EXOC6B: variants seen among roughly 807,000 people sequenced by gnomAD.
EXOC6B encodes the protein exocyst complex component 6B, also known as SEC15 homolog B.
A neutral mutation model predicts 113.5 loss-of-function variants in EXOC6B; 54 were observed. The observed-to-expected ratio is 0.48, with a 90% confidence interval of 0.38 to 0.60. The LOEUF is 0.60. Ranked by LOEUF, EXOC6B falls within the 20% of genes least tolerant of loss-of-function variation. EXOC6B has a pLI of 0.00. For missense variants in EXOC6B, 797 were observed against 977.5 expected (o/e 0.82, Z 2.46); for synonymous variants, 357 against 339.0 (o/e 1.05, Z -0.58).
chr2:72,427,893 C>T (rs970467172), intron 18 of EXOC6B, among the ~76,000 whole-genome samples: 2 of 152,172 alleles, frequency 1.3e-5, no homozygotes, highest in Non-Finnish European at 2.9e-5. Flanking sequence ...CTGAGGCCCA[C>T]AAAAGCTCTG....
At chr2:72,470,641 C>A (rs1375137295) in intron 17 of EXOC6B, among the ~76,000 whole-genome samples, 1 of 149,540 alleles carries the variant, frequency 6.7e-6, no homozygotes, top group East Asian at 2.0e-4. Flanking sequence ...CAACAGGCCC[C>A]GGTGTGTGAT....
rs144258337 is a variant in EXOC6B at position 72,416,531 on chromosome 2, T to C, written c.1981-36661A>G. Among the ~76,000 whole-genome samples, 763 of 152,324 alleles carry C rather than the reference T, an allele frequency of 5.0e-3. 11 individuals are homozygous for C. Among genetic ancestry groups the C allele is most frequent in the African/African-American group, 0.017 (708 of 41,566 alleles). On this transcript the variant is annotated intron_variant, in intron 18 of 21. Coordinates refer to ENST00000272427, the MANE Select transcript of EXOC6B (RefSeq NM_015189.3). Reference sequence around the variant, plus strand: ...GGGAAACACAGCAGCCACTTAACTATGTAAATTCTGAAATTTTGCTGGGCA... The same window carrying C: ...GGGAAACACAGCAGCCACTTAACTACGTAAATTCTGAAATTTTGCTGGGCA...
chr2:72,189,857 C>CTTTT (rs1678708947), intron 20 of EXOC6B, among the ~76,000 whole-genome samples: 1 of 76,264 alleles, frequency 1.3e-5, no homozygotes, highest in African/African-American at 1.1e-4. Flanking sequence ...TCTCCTTCTT[C>CTTTT]TTCTTTTTTT....
chr2:72,734,320 C>T (rs936927925), intron 2 of EXOC6B, among the ~76,000 whole-genome samples: 2 of 152,068 alleles, frequency 1.3e-5, no homozygotes, highest in Admixed American at 1.3e-4. Flanking sequence ...CAGCAAATTC[C>T]CTCTTTATTA....
chr2:72,293,732 C>T (rs1685952291), intron 20 of EXOC6B, among the ~76,000 whole-genome samples: 1 of 152,128 alleles, frequency 6.6e-6, no homozygotes, highest in African/African-American at 2.4e-5. Flanking sequence ...TAACTCCTTA[C>T]TTGGATATAA....
intron 6 of EXOC6B, among the ~76,000 whole-genome samples, chr2:72,589,714 G>A (rs1022156448): frequency 1.9e-4 from 29 of 151,424 alleles, no homozygotes; most frequent in African/African-American, 7.0e-4. Flanking sequence ...GTGCACAGTG[G>A]GTCACTAAAA....
At chr2:72,356,547 A>AC (rs1424010993) in intron 19 of EXOC6B, among the ~76,000 whole-genome samples, 1 of 152,204 alleles carries the variant, frequency 6.6e-6, no homozygotes, top group Non-Finnish European at 1.5e-5. Flanking sequence ...TGTATCTCAA[A>AC]CAAAAAAACA....
chr2:72,749,008 A>G (rs928679502), intron 1 of EXOC6B, among the ~76,000 whole-genome samples: 1 of 152,102 alleles, frequency 6.6e-6, no homozygotes, highest in African/African-American at 2.4e-5. Flanking sequence ...GTAACTGAAG[A>G]TATAAAGGCA....
chr2:72,564,939 A>G (rs1437631680), intron 7 of EXOC6B, among the ~76,000 whole-genome samples: 2 of 152,190 alleles, frequency 1.3e-5, no homozygotes, highest in African/African-American at 2.4e-5. Flanking sequence ...TAATTACTCA[A>G]GTGTTTGCAC....
intron 6 of EXOC6B, among the ~76,000 whole-genome samples, chr2:72,614,434 A>G (rs1382481465): frequency 6.6e-6 from 1 of 152,094 alleles, no homozygotes; most frequent in Non-Finnish European, 1.5e-5. Context: ...GAGCTCAAGA[A>G]ACACTAACTT....
chr2:72,308,198 C>T (rs1687003053), intron 20 of EXOC6B, among the ~76,000 whole-genome samples: 2 of 152,182 alleles, frequency 1.3e-5, no homozygotes, highest in Admixed American at 1.3e-4. Context: ...ATCCTAAACC[C>T]TCCAGGAAAT....
chr2:72,809,328 T>C (rs945908132), intron 1 of EXOC6B, among the ~76,000 whole-genome samples: 4 of 152,116 alleles, frequency 2.6e-5, no homozygotes, highest in African/African-American at 4.8e-5. Context: ...ATGCTGTTGA[T>C]AGGAAATTCA....
At chr2:72,455,912 T>C (rs1697202774) in intron 18 of EXOC6B, among the ~76,000 whole-genome samples, 2 of 152,028 alleles carry the variant, frequency 1.3e-5, no homozygotes, top group African/African-American at 2.4e-5. Context: ...ATAGTAGCTA[T>C]TGTTAAATGT....
chr2:72,804,368 C>T (rs371308098), intron 1 of EXOC6B, among the ~76,000 whole-genome samples: 92 of 152,186 alleles, frequency 6.0e-4, no homozygotes, highest in African/African-American at 2.1e-3. Flanking sequence ...CTTCCTAGAG[C>T]GCATAGGAAA....
At chr2:72,285,346 A>G (rs1163027495) in intron 20 of EXOC6B, among the ~76,000 whole-genome samples, 1 of 152,004 alleles carries the variant, frequency 6.6e-6, no homozygotes, top group Non-Finnish European at 1.5e-5. Flanking sequence ...ATATATAAAA[A>G]AGATAGACCT....
intron 20 of EXOC6B, among the ~76,000 whole-genome samples, chr2:72,274,597 T>C (rs780592785): frequency 3.9e-5 from 6 of 152,164 alleles, no homozygotes; most frequent in Non-Finnish European, 8.8e-5. Flanking sequence ...AGCAGGTTTA[T>C]ATGTGTGTCC....
chr2:72,229,696 C>G (rs1319161009), intron 20 of EXOC6B, among the ~76,000 whole-genome samples: 2 of 152,102 alleles, frequency 1.3e-5, no homozygotes, highest in African/African-American at 4.8e-5. Context: ...TATAGAGTCA[C>G]CTGCAAGAGC....
chr2:72,192,601 C>T (rs1036955483), intron 20 of EXOC6B, among the ~76,000 whole-genome samples: 1 of 152,132 alleles, frequency 6.6e-6, no homozygotes, highest in Non-Finnish European at 1.5e-5. Flanking sequence ...CTCCTCTTTC[C>T]AGAAAACCTG....
At position 72,737,939 on chromosome 2, in the gene EXOC6B, T is replaced by A. The variant is rs557904080; in HGVS notation, c.279+3365A>T. Among the ~76,000 whole-genome samples, 164 of 152,338 alleles carry A rather than the reference T, an allele frequency of 1.1e-3. 1 individual carries two copies. Among genetic ancestry groups the A allele is most frequent in the Middle Eastern group, 6.8e-3 (2 of 294 alleles). On this transcript the variant is annotated intron_variant, in intron 2 of 21. Transcript: ENST00000272427. ...TTAGAATGTTTAGAACAGTTCTATATGTTTAGAACATTTCTATATATTTGT... is the reference window on the plus strand; with the variant it reads ...TTAGAATGTTTAGAACAGTTCTATAAGTTTAGAACATTTCTATATATTTGT...
Sources: gnomAD v4.1 joint callset for allele counts (sites outside exome capture counted in the v4.1 genomes callset) on GRCh38, gnomAD v4.1.1 for gene constraint, MANE v1.5 for transcripts, NCBI Gene and HGNC (gene_info 2026-07-23, HGNC 2026-07-21) for gene names.